The following CCDC192 variants were observed in gnomAD, a reference collection of about 807,000 sequenced individuals.
CCDC192 encodes coiled-coil domain-containing protein 192.
chr5:127,847,821 TTAAATAAA>T lies in CCDC192; in HGVS notation c.412-27690_412-27683del, dbSNP rs67683440. Among the ~76,000 whole-genome samples, 85 of 142,886 alleles carry T rather than the reference TTAAATAAA, an allele frequency of 5.9e-4. 1 individual carries two copies. Among genetic ancestry groups the T allele is most frequent in the East Asian group, 3.1e-3 (15 of 4,816 alleles). The allele number at this position is 142,886 out of a possible 152,430, so 93.7% of individuals were successfully genotyped here. ...CTGGGCAACAGAGTGAGACTCCATC[TTAAATAAA>T]TAAATAAATAAATAAATAAATAAAT... On this transcript the variant is annotated intron_variant, in intron 5 of 6. Transcript: ENST00000514853.
intron 6 of CCDC192, among the ~76,000 whole-genome samples, chr5:127,904,412 A>G (rs1184921769): frequency 2.0e-5 from 3 of 151,888 alleles, no homozygotes; most frequent in Non-Finnish European, 2.9e-5. Context: ...ACCTTCATAC[A>G]TTCTGTAGCC....
At position 127,745,232 on chromosome 5, in the gene CCDC192, T is replaced by C. The variant is rs369773178; in HGVS notation, c.115-9036T>C. Among the ~76,000 whole-genome samples, 4 of 152,220 alleles carry C rather than the reference T, an allele frequency of 2.6e-5. No homozygotes were observed. The East Asian group carries it at 7.7e-4, about 29-fold the overall frequency. ...GCCAATCCTTAAGGGTCAAAGAGTT[T>C]GTACAGCTGTCATTTTAGGACAGAG... is the stretch of plus-strand genomic sequence containing the variant. On this transcript the variant is annotated intron_variant, in intron 2 of 6. Transcript: ENST00000514853.
chr5:127,881,232 A>C (rs1193442435), intron 6 of CCDC192, among the ~76,000 whole-genome samples: 1 of 152,084 alleles, frequency 6.6e-6, no homozygotes, highest in South Asian at 2.1e-4. Context: ...ATGGTCACCT[A>C]CTCTGAAGGC....
chr5:127,844,892 CAG>C (rs1750461915), intron 5 of CCDC192, among the ~76,000 whole-genome samples: 1 of 152,220 alleles, frequency 6.6e-6, no homozygotes, highest in South Asian at 2.1e-4. Flanking sequence ...TGAAGCCTCA[CAG>C]GGCCTTGTGC....
chr5:127,776,495 C>T (rs538743195), intron 3 of CCDC192, among the ~76,000 whole-genome samples: 43 of 152,066 alleles, frequency 2.8e-4, no homozygotes, highest in Non-Finnish European at 5.1e-4. Flanking sequence ...CCTGACAATG[C>T]GACAGAAAAG....
At chr5:127,706,319 G>T (rs781035968) in intron 1 of CCDC192, among the ~76,000 whole-genome samples, 14 of 152,036 alleles carry the variant, frequency 9.2e-5, no homozygotes, top group Non-Finnish European at 1.8e-4. Context: ...ATGAGGTTAA[G>T]AGATCGAGAC....
At chr5:127,709,747 C>T (rs1751211902) in intron 2 of CCDC192, among the ~76,000 whole-genome samples, 1 of 152,052 alleles carries the variant, frequency 6.6e-6, no homozygotes. Flanking sequence ...CTAAGAAAAC[C>T]TGATAATGAA....
chr5:127,797,918 T>C lies in CCDC192; in HGVS notation c.355-188T>C, dbSNP rs141896853. Among the ~76,000 whole-genome samples, 140 of 151,818 alleles carry C rather than the reference T, an allele frequency of 9.2e-4. No individual in the cohort carries two copies. In the East Asian group the frequency reaches 0.022, roughly 24 times the overall value. On this transcript the variant is annotated intron_variant, in intron 4 of 6. Transcript: ENST00000514853. ...TATATTTGTGTGTTTTTTCTTTGGG[T>C]TCTTTCATAGAATGGAAGAGAAATA...
At chr5:127,941,130 C>T (rs1220648345) in intron 6 of CCDC192, 52 bp from the exon 7 acceptor site, 1 of 398,814 alleles carries the variant, frequency 2.5e-6, no homozygotes, top group Non-Finnish European at 4.4e-6. Context: ...GCTTTGACTT[C>T]TGGGAAATCT....
chr5:127,732,963 C>G (rs1471942812), intron 2 of CCDC192, among the ~76,000 whole-genome samples: 2 of 152,014 alleles, frequency 1.3e-5, no homozygotes, highest in African/African-American at 4.8e-5. Flanking sequence ...ACCTGTGCAA[C>G]AAACCTGCAC....
At chr5:127,915,007 A>G (rs1753478514) in intron 6 of CCDC192, among the ~76,000 whole-genome samples, 1 of 152,224 alleles carries the variant, frequency 6.6e-6, no homozygotes, top group African/African-American at 2.4e-5. Context: ...ATTATTCCTG[A>G]CAATAGAAAA....
At chr5:127,780,693 G>GT (rs1455122287) in intron 3 of CCDC192, among the ~76,000 whole-genome samples, 2 of 151,922 alleles carry the variant, frequency 1.3e-5, no homozygotes, top group African/African-American at 4.8e-5. Context: ...TTGCTGATTT[G>GT]TTTGAGTTTG....
At chr5:127,774,703 C>A (rs1755759676) in intron 3 of CCDC192, among the ~76,000 whole-genome samples, 1 of 152,096 alleles carries the variant, frequency 6.6e-6, no homozygotes, top group Non-Finnish European at 1.5e-5. Context: ...TCCAACTTTT[C>A]TTCTTTTACA....
chr5:127,928,460 C>T (rs1161679194), intron 6 of CCDC192, among the ~76,000 whole-genome samples: 1 of 152,210 alleles, frequency 6.6e-6, no homozygotes, highest in East Asian at 1.9e-4. Context: ...CCCCTACTTC[C>T]CTTTTATCAT....
chr5:127,855,005 T>C (rs1751000180), intron 5 of CCDC192, among the ~76,000 whole-genome samples: 1 of 152,202 alleles, frequency 6.6e-6, no homozygotes, highest in Non-Finnish European at 1.5e-5. Context: ...AATTTGTTGC[T>C]AAAAAATGTT....
At chr5:127,859,868 T>C (rs1561527252) in intron 5 of CCDC192, among the ~76,000 whole-genome samples, 1 of 152,222 alleles carries the variant, frequency 6.6e-6, no homozygotes, top group Non-Finnish European at 1.5e-5. Flanking sequence ...TCCATTATTA[T>C]AGTTGTTTAC....
chr5:127,752,102 T>C (rs1214358519), intron 2 of CCDC192, among the ~76,000 whole-genome samples: 1 of 152,226 alleles, frequency 6.6e-6, no homozygotes, highest in Admixed American at 6.5e-5. Flanking sequence ...TCTGAAGCCT[T>C]CTTCCCTCAG....
At chr5:127,920,998 C>G (rs1753696691) in intron 6 of CCDC192, among the ~76,000 whole-genome samples, 2 of 151,458 alleles carry the variant, frequency 1.3e-5, no homozygotes, top group South Asian at 4.2e-4. Context: ...GCTTGTACCA[C>G]TACACTCCAG....
intron 6 of CCDC192, among the ~76,000 whole-genome samples, chr5:127,886,377 GTATTA>G (rs1346103826): frequency 6.6e-6 from 1 of 152,138 alleles, no homozygotes; most frequent in Non-Finnish European, 1.5e-5. Flanking sequence ...GACTGAACTT[GTATTA>G]TTATACAGTT....
Sources: allele counts gnomAD v4.1 joint callset (sites outside exome capture counted in the v4.1 genomes callset), GRCh38; gene constraint gnomAD v4.1.1; transcripts MANE v1.5; gene names NCBI Gene and HGNC (gene_info 2026-07-23, HGNC 2026-07-21).